SIPA1L1: variants seen among roughly 807,000 people sequenced by gnomAD.
SIPA1L1 encodes the protein signal induced proliferation associated 1 like 1, also known as signal-induced proliferation-associated 1-like protein 1.
A neutral mutation model predicts 162.7 loss-of-function variants in SIPA1L1; 26 were observed. That is an observed-to-expected ratio of 0.16 (90% CI 0.12 to 0.22). The LOEUF is 0.22. Ranked by LOEUF, SIPA1L1 falls within the 10% of genes least tolerant of loss-of-function variation. SIPA1L1 has a pLI of 1.00. For missense variants in SIPA1L1, 1,874 were observed against 2,241.0 expected (o/e 0.84, Z 3.31); for synonymous variants, 829 against 837.4 (o/e 0.99, Z 0.17).
chr14:71,545,524 G>A (rs1359951401), intron 4 of SIPA1L1, among the ~76,000 whole-genome samples: 1 of 152,018 alleles, frequency 6.6e-6, no homozygotes, highest in Non-Finnish European at 1.5e-5. Context: ...ATTGCTGTTT[G>A]TGTATTGACC....
intron 7 of SIPA1L1, among the ~76,000 whole-genome samples, chr14:71,637,448 C>G (rs925099033): frequency 6.6e-6 from 1 of 151,876 alleles, no homozygotes; most frequent in Non-Finnish European, 1.5e-5. Context: ...TAAACTTTAT[C>G]GAGTTGGGCG....
At chr14:71,582,085 TC>T (rs2147335397) in intron 4 of SIPA1L1, among the ~76,000 whole-genome samples, 1 of 152,280 alleles carries the variant, frequency 6.6e-6, no homozygotes, top group African/African-American at 2.4e-5. Flanking sequence ...ACTGGCTTAC[TC>T]CTGTAATCTC....
At chr14:71,328,580 G>A (rs145583698) in intron 2 of SIPA1L1, among the ~76,000 whole-genome samples, 1 of 152,292 alleles carries the variant, frequency 6.6e-6, no homozygotes, top group Non-Finnish European at 1.5e-5. Flanking sequence ...ACTGAGGATT[G>A]TAGAAACTTC....
At chr14:71,373,731 CTTCTT>C (rs1566944502) in intron 2 of SIPA1L1, among the ~76,000 whole-genome samples, 1 of 151,552 alleles carries the variant, frequency 6.6e-6, no homozygotes, top group Non-Finnish European at 1.5e-5. Flanking sequence ...TTTCTCCTCT[CTTCTT>C]CCTTCCTGAT....
At chr14:71,447,877 A>AT (rs1047723095) in intron 2 of SIPA1L1, among the ~76,000 whole-genome samples, 4 of 151,914 alleles carry the variant, frequency 2.6e-5, no homozygotes, top group Non-Finnish European at 5.9e-5. Flanking sequence ...CCTACTATTG[A>AT]TTTTTTTGTT....
At chr14:71,708,016 T>G (rs61994417) in intron 16 of SIPA1L1, among the ~76,000 whole-genome samples, 4 of 18,686 alleles carry the variant, frequency 2.1e-4, no homozygotes, top group South Asian at 0.012. Flanking sequence ...TTTTTTGGTG[T>G]TTTTTTTTTT....
intron 2 of SIPA1L1, among the ~76,000 whole-genome samples, chr14:71,406,813 A>G (rs1249203721): frequency 1.3e-5 from 2 of 152,244 alleles, no homozygotes; most frequent in Non-Finnish European, 2.9e-5. Context: ...GGCTTAGTGC[A>G]GTAGGATGAA....
chr14:71,482,593 C>G (rs1021594300), intron 2 of SIPA1L1, among the ~76,000 whole-genome samples: 1 of 152,116 alleles, frequency 6.6e-6, no homozygotes, highest in South Asian at 2.1e-4. Context: ...AAATCTGTGC[C>G]GGGGACCAAA....
chr14:71,389,782 G>C (rs1012514431), intron 2 of SIPA1L1, among the ~76,000 whole-genome samples: 3 of 152,146 alleles, frequency 2.0e-5, no homozygotes, highest in African/African-American at 7.2e-5. Context: ...GAGACTCATC[G>C]TCAGGAGCCC....
intron 8 of SIPA1L1, 72 bp from the exon 9 acceptor site, chr14:71,658,261 T>G: frequency 1.3e-6 from 1 of 784,604 alleles, no homozygotes; most frequent in Non-Finnish European, 2.1e-6. Flanking sequence ...TTTTCTTTTT[T>G]GAGATATTTC....
chr14:71,641,552 C>T (rs190208494), intron 7 of SIPA1L1, among the ~76,000 whole-genome samples: 1 of 152,228 alleles, frequency 6.6e-6, no homozygotes, highest in African/African-American at 2.4e-5. Context: ...GAAGCCCCAT[C>T]TCTACTAAAA....
chr14:71,566,859 C>T (rs1006782741), intron 4 of SIPA1L1, among the ~76,000 whole-genome samples: 5 of 152,060 alleles, frequency 3.3e-5, no homozygotes, highest in Admixed American at 6.6e-5. Context: ...ATAAAAAATA[C>T]ACTTTAAACA....
chr14:71,656,856 A>G lies in SIPA1L1; in HGVS notation c.1994-1477A>G, dbSNP rs145361779. Among the ~76,000 whole-genome samples, 354 of 152,342 alleles carry G rather than the reference A, an allele frequency of 2.3e-3. 1 individual carries two copies. Among genetic ancestry groups the G allele is most frequent in the Admixed American group, 5.2e-3 (80 of 15,302 alleles). ...AGCTACCTGGGAGTGTCTGTGAAGAATAGATTCCCCTGTGAGGCCCTATAC... is the reference window on the plus strand; with the variant it reads ...AGCTACCTGGGAGTGTCTGTGAAGAGTAGATTCCCCTGTGAGGCCCTATAC... On this transcript the variant is annotated intron_variant, in intron 8 of 23. Transcript: ENST00000381232.
At chr14:71,506,252 A>G (rs2050658740) in intron 2 of SIPA1L1, among the ~76,000 whole-genome samples, 2 of 152,164 alleles carry the variant, frequency 1.3e-5, no homozygotes, top group Non-Finnish European at 1.5e-5. Context: ...TAGAATGTAT[A>G]TTTGTTCCTA....
In SIPA1L1 at chr14:71,671,603, C is replaced by G. The variant is rs143169056; in HGVS notation, c.2740C>G (p.Leu914Val). The stretch of plus-strand genomic sequence containing the variant: ...AGGGTGGACTTCAACTGACACCAGC[C>G]TCAAAATCTTCTATGAACGAGGAGA... ...VIGWTSTDTS[L>V]KIFYERGECV... Residue 914 changes from leucine (L) to valine (V), a missense_variant, in exon 11 of 24, where the codon CTC becomes GTC. Coordinates refer to ENST00000381232, the MANE Select transcript of SIPA1L1 (RefSeq NM_001386936.1). 5.0e-5 allele frequency: 80 copies of G among 1,614,154 alleles called. 1 individual carries two copies. In the African/African-American group the frequency reaches 9.5e-4, roughly 19 times the overall value.
intron 4 of SIPA1L1, among the ~76,000 whole-genome samples, chr14:71,557,839 T>A (rs1001225557): frequency 6.6e-6 from 1 of 152,242 alleles, no homozygotes; most frequent in African/African-American, 2.4e-5. Context: ...AACTGCTATA[T>A]TTCTAATTTG....
intron 6 of SIPA1L1, among the ~76,000 whole-genome samples, chr14:71,619,631 T>C (rs140607736): frequency 1.5e-3 from 224 of 152,284 alleles, no homozygotes; most frequent in Non-Finnish European, 2.7e-3. Context: ...GGGCCACTTA[T>C]CGATTTATTG....
intron 7 of SIPA1L1, among the ~76,000 whole-genome samples, chr14:71,648,508 G>A (rs1567394807): frequency 1.3e-5 from 2 of 152,146 alleles, no homozygotes; most frequent in Admixed American, 6.5e-5. Context: ...GTTCAGGTTC[G>A]TAGTCCCTTA....
At position 71,723,863 on chromosome 14, in the gene SIPA1L1, C is replaced by T. The variant is rs35168172; in HGVS notation, c.4425C>T (p.Ser1475=). The T allele has an allele frequency of 2.0e-5, 32 of 1,614,070 alleles. No individual in the cohort carries two copies. In the East Asian group the frequency reaches 4.7e-4, roughly 24 times the overall value. The stretch of plus-strand genomic sequence containing the variant: ...AAAAACCCGAAGGAACCATAAACTC[C>T]GTGGGATTTATGGACACGAGAAAGT... ...GWKKPEGTIN[S]VGFMDTRKRH... Residue 1475 remains serine (S), a synonymous_variant, in exon 18 of 24, where the codon TCC becomes TCT. Coordinates refer to ENST00000381232, the MANE Select transcript of SIPA1L1 (RefSeq NM_001386936.1).
Sources: gnomAD v4.1 joint callset for allele counts (sites outside exome capture counted in the v4.1 genomes callset) on GRCh38, gnomAD v4.1.1 for gene constraint, MANE v1.5 for transcripts, NCBI Gene and HGNC (gene_info 2026-07-23, HGNC 2026-07-21) for gene names.